GCSAML: variants seen among roughly 807,000 people sequenced by gnomAD.
GCSAML encodes the protein germinal center associated signaling and motility like.
A neutral mutation model predicts 13.0 loss-of-function variants in GCSAML; 9 were observed. The observed-to-expected ratio is 0.69, with a 90% CI of 0.42 to 1.21. The LOEUF is 1.21. GCSAML is among the 50% of genes most tolerant of loss of function. GCSAML has a pLI of 0.00. For synonymous variants in GCSAML, 37 were observed against 52.9 expected (o/e 0.70, Z 1.31); for missense variants, 143 against 153.4 (o/e 0.93, Z 0.36).
rs76119911 is a variant in GCSAML at position 247,549,311 on chromosome 1, A to G, written c.29+91A>G. On this transcript the variant is annotated intron_variant, in intron 1 of 4. Coordinates refer to ENST00000366488, the MANE Select transcript of GCSAML (RefSeq NM_145278.5). Reference sequence around the variant, plus strand: ...TAACGCATTTGTAATGGTGAGGTACATTGTGCTTCTAGAAGGTTAAGCCTG... The same window carrying G: ...TAACGCATTTGTAATGGTGAGGTACGTTGTGCTTCTAGAAGGTTAAGCCTG... 17,598 of 1,126,580 alleles carry G rather than the reference A, an allele frequency of 0.016. 192 individuals are homozygous for G. The highest frequency in any genetic ancestry group is 0.02 in the Non-Finnish European group (15,203 of 763,686). 69.8% of individuals were successfully genotyped at this position (1,126,580 alleles called of 1,614,324 possible).
At chr1:247,537,494 T>C (rs1175462095) in intron 2 of GCSAML, among the ~76,000 whole-genome samples, 2 of 152,204 alleles carry the variant, frequency 1.3e-5, no homozygotes, top group East Asian at 3.8e-4. Context: ...CTGATTCTAC[T>C]GGGTATACCT....
intron 2 of GCSAML, among the ~76,000 whole-genome samples, chr1:247,558,643 T>C (rs1202000338): frequency 6.6e-6 from 1 of 152,212 alleles, no homozygotes; most frequent in Admixed American, 6.5e-5. Context: ...TTCCTTAGTT[T>C]TTTAAATTGT....
At chr1:247,521,200 T>C (rs1481853671) in intron 1 of GCSAML, among the ~76,000 whole-genome samples, 4 of 151,538 alleles carry the variant, frequency 2.6e-5, no homozygotes, top group Non-Finnish European at 4.4e-5. Flanking sequence ...TCCAAAAAAA[T>C]TGAGAATCCA....
intron 3 of GCSAML, 49 bp from the exon 4 acceptor site, chr1:247,565,882 C>A: frequency 1.4e-6 from 2 of 1,453,592 alleles, no homozygotes; most frequent in South Asian, 1.3e-5. Flanking sequence ...GGGCAAAAGT[C>A]TCACAGTGCT....
intron 1 of GCSAML, among the ~76,000 whole-genome samples, chr1:247,550,599 T>C (rs752786307): frequency 1.3e-5 from 2 of 151,982 alleles, no homozygotes; most frequent in East Asian, 1.9e-4. Flanking sequence ...ATCCCGCCAC[T>C]GCACTCCAGC....
chr1:247,570,170 T>C (rs1668544749), intron 4 of GCSAML, among the ~76,000 whole-genome samples: 1 of 152,196 alleles, frequency 6.6e-6, no homozygotes, highest in South Asian at 2.1e-4. Flanking sequence ...CCTGGATTTA[T>C]TGATTTTTTG....
chr1:247,574,849 C>A lies in GCSAML; in HGVS notation c.*467C>A, dbSNP rs1668775317. On this transcript the variant is annotated 3_prime_UTR_variant, in exon 5 of 5. Transcript: ENST00000366488. ...CAAGTGACCAGGATGAGTCATAAGA[C>A]TGATGAAATAGACTGATTGTGGCAA... 1.2e-5 allele frequency: 2 copies of A among 171,140 alleles called. No homozygotes were observed. Among genetic ancestry groups the A allele is most frequent in the African/African-American group, 4.8e-5 (2 of 41,660 alleles). 10.6% of individuals were successfully genotyped at this position (171,140 alleles called of 1,614,324 possible).
At chr1:247,544,772 T>C (rs1156406994), upstream of GCSAML, among the ~76,000 whole-genome samples, 3 of 152,162 alleles carry the variant, frequency 2.0e-5, no homozygotes, top group Non-Finnish European at 4.4e-5. Context: ...GGAGAATCAC[T>C]TGAGCCTGGG....
intron 2 of GCSAML, among the ~76,000 whole-genome samples, chr1:247,542,690 C>G (rs1484010740): frequency 1.3e-5 from 2 of 152,198 alleles, no homozygotes; most frequent in Non-Finnish European, 2.9e-5. Context: ...ATTTTTTAAA[C>G]TACAGTATCT....
rs562848797 is a variant in GCSAML at position 247,511,725 on chromosome 1, T to C, written c.-263+4492T>C. Among the ~76,000 whole-genome samples the C allele has an allele frequency of 3.9e-5, 6 of 152,340 alleles. No homozygotes were observed. The South Asian group carries it at 1.2e-3, about 32-fold the overall frequency. On this transcript the variant is annotated intron_variant, in intron 1 of 5. Coordinates refer to the GCSAML transcript ENST00000366489. ...TGGTGGTGACAAAACCTCTCAGCAT[T>C]TGCTTGTCTGCAAAGGATTTTATTT...
intron 1 of GCSAML, among the ~76,000 whole-genome samples, chr1:247,519,867 A>G (rs1253217128): frequency 6.6e-6 from 1 of 152,174 alleles, no homozygotes; most frequent in African/African-American, 2.4e-5. Flanking sequence ...GGACTCAAAG[A>G]GTTTGTAGAG....
At chr1:247,565,249 T>G (rs963870897) in intron 3 of GCSAML, among the ~76,000 whole-genome samples, 1 of 152,026 alleles carries the variant, frequency 6.6e-6, no homozygotes, top group Non-Finnish European at 1.5e-5. Context: ...TCCCAGCTAC[T>G]TGGGAGGCTG....
chr1:247,521,590 TG>T (rs1194049382), intron 1 of GCSAML, among the ~76,000 whole-genome samples: 9 of 152,200 alleles, frequency 5.9e-5, no homozygotes, highest in African/African-American at 2.2e-4. Flanking sequence ...CTGTGTTGGC[TG>T]GGCTGGACTC....
chr1:247,550,423 G>C (rs1667727983), intron 1 of GCSAML, among the ~76,000 whole-genome samples: 1 of 152,120 alleles, frequency 6.6e-6, no homozygotes, highest in Non-Finnish European at 1.5e-5. Flanking sequence ...GGATCACGAG[G>C]TCAGGAGATC....
At chr1:247,529,396 G>C (rs1247693420) in intron 2 of GCSAML, 1 of 152,156 alleles carries the variant, frequency 6.6e-6, no homozygotes, top group Non-Finnish European at 1.5e-5. Context: ...ATGATGGAAT[G>C]GGCTTTATTG....
intron 2 of GCSAML, among the ~76,000 whole-genome samples, chr1:247,556,688 A>G (rs1667964531): frequency 6.6e-6 from 1 of 152,190 alleles, no homozygotes; most frequent in Non-Finnish European, 1.5e-5. Context: ...TATTGATTAT[A>G]TAATGTGAGT....
chr1:247,574,491 A>C lies in GCSAML; in HGVS notation c.*109A>C. On this transcript the variant is annotated 3_prime_UTR_variant, in exon 5 of 5. Transcript: ENST00000366488. ...TGCATGAAACATTCCTTTCTGGCTA[A>C]AGTTTAGAAATATTATCTTATTATA... The C allele has an allele frequency of 8.2e-7, 1 of 1,224,346 alleles. No homozygotes were observed. Among genetic ancestry groups the C allele is most frequent in the Non-Finnish European group, 1.1e-6 (1 of 875,058 alleles). The allele number at this position is 1,224,346 out of a possible 1,614,324, so 75.8% of individuals were successfully genotyped here.
At chr1:247,556,369 G>C (rs1471199397) in intron 1 of GCSAML, 38 bp from the exon 2 acceptor site, 1 of 1,485,360 alleles carries the variant, frequency 6.7e-7, no homozygotes, top group African/African-American at 1.4e-5. Context: ...GTGGAGGGCA[G>C]TAACAATCTC....
intron 1 of GCSAML, among the ~76,000 whole-genome samples, chr1:247,520,978 G>A (rs1214999652): frequency 2.0e-5 from 3 of 152,190 alleles, no homozygotes; most frequent in Non-Finnish European, 2.9e-5. Context: ...AGCCTGGTGT[G>A]TACTAGACAT....
Sources: allele counts gnomAD v4.1 joint callset (sites outside exome capture counted in the v4.1 genomes callset), GRCh38; gene constraint gnomAD v4.1.1; transcripts MANE v1.5; gene names NCBI Gene and HGNC (gene_info 2026-07-23, HGNC 2026-07-21).